CORIN: variants seen among roughly 807,000 people sequenced by gnomAD.
CORIN encodes corin, serine peptidase.
In CORIN, 117 loss-of-function variants were observed where a neutral mutation model predicts 125.3. The observed-to-expected ratio is 0.93, with a 90% confidence interval of 0.80 to 1.09. The LOEUF (loss-of-function observed/expected upper bound fraction) is 1.09, where lower values mean the gene tolerates loss of function less well. Among genes scored for constraint, CORIN ranks in the 50% least tolerant of loss-of-function variants. The pLI, the probability that CORIN is intolerant of heterozygous loss-of-function variation, is 0.00. For missense variants in CORIN, 1,253 were observed against 1,306.7 expected (o/e 0.96, Z 0.63); for synonymous variants, 450 against 466.4 (o/e 0.96, Z 0.45).
intron 3 of CORIN, among the ~76,000 whole-genome samples, chr4:47,767,349 A>G (rs1371452194): frequency 6.7e-6 from 1 of 150,018 alleles, no homozygotes; most frequent in Admixed American, 6.8e-5. Context: ...CCACAAAATT[A>G]CCACCATTAA....
rs551204331 is a variant in CORIN at position 47,826,185 on chromosome 4, A to G, written c.63+11702T>C. 4.6e-5 allele frequency among the ~76,000 whole-genome samples: 7 copies of G among 152,350 alleles called. 1 individual carries two copies. In the South Asian group the frequency reaches 6.2e-4, roughly 14 times the overall value. ...AGCAGTAATGCACAAAAACCCTAGG[A>G]ATGACTGCAAATGCCTACCCCAGCA... On this transcript the variant is annotated intron_variant, in intron 1 of 21. Transcript: ENST00000273857.
At chr4:47,648,856 C>T (rs1038010342) in intron 13 of CORIN, among the ~76,000 whole-genome samples, 1 of 152,168 alleles carries the variant, frequency 6.6e-6, no homozygotes, top group South Asian at 2.1e-4. Flanking sequence ...CAGGAAGTGG[C>T]TGTGGATGTG....
chr4:47,816,472 G>A (rs1732272503), intron 1 of CORIN, among the ~76,000 whole-genome samples: 1 of 152,094 alleles, frequency 6.6e-6, no homozygotes. Flanking sequence ...GGGCTATAAA[G>A]ATGAAGAAAA....
Position 47,653,654 on chromosome 4 carries a change from G to A in CORIN, c.1742C>T (p.Ser581Leu). The change falls in exon 13 of 22, where the codon TCA (serine) becomes TTA (leucine). Residue 581 changes from serine (S) to leucine (L), a missense_variant. Coordinates refer to ENST00000273857, the MANE Select transcript of CORIN (RefSeq NM_006587.4). ...TGAGCGGCACTTGAAATGACTAGGT[G>A]AGCATTCTATTAAAAACAATATTAC... ...LMPDEYVEEC[S>L]PSHFKCRSGQ... 3.1e-6 allele frequency: 5 copies of A among 1,613,462 alleles called. No individual in the cohort carries two copies. The highest frequency in any genetic ancestry group is 1.1e-5 in the South Asian group (1 of 90,950).
chr4:47,602,219 C>T (rs6835144), intron 20 of CORIN, among the ~76,000 whole-genome samples: 16,936 of 152,048 alleles, frequency 0.11, 1,370 homozygotes, highest in East Asian at 0.47. Flanking sequence ...TGCAGTGAGC[C>T]GAGATTGTGC....
Position 47,786,802 on chromosome 4 carries a change from G to A in CORIN, c.332C>T (p.Thr111Ile), listed in dbSNP as rs752926216. The A allele has an allele frequency of 2.5e-6, 4 of 1,614,016 alleles. No individual in the cohort carries two copies. The highest frequency in any genetic ancestry group is 3.4e-6 in the Non-Finnish European group (4 of 1,179,982). ...TIYNQSTVVSTAHPDQHVPAW... is the reference protein window; with the variant it reads ...TIYNQSTVVSIAHPDQHVPAW... ...TGGAACGTGTTGGTCGGGATGTGCA[G>A]TAGACACCACAGTGCTCTGGTTATA... The change falls in exon 3 of 22, where the codon ACT becomes ATT. Residue 111 changes from threonine (T) to isoleucine (I), a missense_variant. Thr to Ile is a moderately conservative substitution (Grantham distance 89, BLOSUM62 -1). Transcript: ENST00000273857.
At chr4:47,717,788 A>G (rs1157676359) in intron 5 of CORIN, among the ~76,000 whole-genome samples, 1 of 152,186 alleles carries the variant, frequency 6.6e-6, no homozygotes, top group African/African-American at 2.4e-5. Context: ...GACCGAAAAA[A>G]AGAGAGGCAC....
At chr4:47,656,020 C>T (rs903393318) in intron 12 of CORIN, among the ~76,000 whole-genome samples, 2 of 151,884 alleles carry the variant, frequency 1.3e-5, no homozygotes, top group African/African-American at 4.8e-5. Flanking sequence ...CAAAGCTAGA[C>T]AAAGACACAT....
At position 47,595,448 on chromosome 4, in the gene CORIN, G is replaced by T; in HGVS notation, c.*273C>A. 8.1e-5 allele frequency: 18 copies of T among 222,216 alleles called. No homozygotes were observed. The highest frequency in any genetic ancestry group is 9.5e-5 in the East Asian group (1 of 10,544). 13.8% of individuals were successfully genotyped at this position (222,216 alleles called of 1,614,324 possible). A position where few individuals can be genotyped will look rare whatever the true frequency, so the allele number is the denominator to read the frequency against. On this transcript the variant is annotated 3_prime_UTR_variant, in exon 22 of 22. Coordinates refer to ENST00000273857, the MANE Select transcript of CORIN (RefSeq NM_006587.4). ...ATCTCGCCAGAGTCGATAATTTTGT[G>T]CTGCAGTCATGGTTAGGCCTGGCAA...
At chr4:47,792,462 G>A (rs1452458106) in intron 2 of CORIN, among the ~76,000 whole-genome samples, 3 of 152,130 alleles carry the variant, frequency 2.0e-5, no homozygotes, top group East Asian at 1.9e-4. Context: ...CTTAGCCAAC[G>A]CAAAAACCCT....
intron 4 of CORIN, among the ~76,000 whole-genome samples, chr4:47,754,823 T>C (rs150667360): frequency 2.2e-4 from 33 of 152,326 alleles, no homozygotes; most frequent in Admixed American, 1.3e-4. Flanking sequence ...CAGCCCATTC[T>C]TTCTGAAGGC....
At chr4:47,636,901 G>A (rs1723047306) in intron 16 of CORIN, among the ~76,000 whole-genome samples, 1 of 152,210 alleles carries the variant, frequency 6.6e-6, no homozygotes, top group Non-Finnish European at 1.5e-5. Context: ...TTGGAAGTGG[G>A]TAACAGGCAG....
intron 2 of CORIN, among the ~76,000 whole-genome samples, chr4:47,802,281 G>A (rs989569172): frequency 2.6e-5 from 4 of 152,158 alleles, no homozygotes; most frequent in African/African-American, 7.2e-5. Context: ...GCTTGGCCTC[G>A]GTGGGGTAGG....
intron 12 of CORIN, among the ~76,000 whole-genome samples, chr4:47,659,391 T>C (rs1226860748): frequency 6.6e-6 from 1 of 152,186 alleles, no homozygotes; most frequent in Non-Finnish European, 1.5e-5. Flanking sequence ...TAAAGAAATA[T>C]CTGAGACTGG....
intron 3 of CORIN, among the ~76,000 whole-genome samples, chr4:47,781,943 A>C (rs895549119): frequency 6.6e-6 from 1 of 151,914 alleles, no homozygotes; most frequent in Non-Finnish European, 1.5e-5. Flanking sequence ...ATCTCAAAAA[A>C]AGAAAAATAA....
intron 5 of CORIN, among the ~76,000 whole-genome samples, chr4:47,732,721 G>C (rs889712300): frequency 6.6e-6 from 1 of 151,964 alleles, no homozygotes; most frequent in Admixed American, 6.6e-5. Flanking sequence ...ACGCCACCAC[G>C]CCCGGCTTTT....
In CORIN at chr4:47,623,094, CTCTA is replaced by C. The variant is rs1157695527; in HGVS notation, c.2540+473_2540+476del. On this transcript the variant is annotated intron_variant, in intron 19 of 21. Transcript: ENST00000273857. Reference sequence around the variant, plus strand: ...CCTCTCTCTCTCTCTCTCTCTCTCTCTCTATATATATATATATATATATACACAC... The same window carrying C: ...CCTCTCTCTCTCTCTCTCTCTCTCTCTATATATATATATATATATACACAC... Among the ~76,000 whole-genome samples the C allele has an allele frequency of 2.7e-3, 277 of 101,452 alleles. 1 individual carries two copies. The highest frequency in any genetic ancestry group is 5.5e-3 in the Admixed American group (55 of 10,002). The allele number at this position is 101,452 out of a possible 152,430, so 66.6% of individuals were successfully genotyped here.
In CORIN at chr4:47,595,487, G is replaced by T; in HGVS notation, c.*234C>A. 2 of 314,420 alleles carry T rather than the reference G, an allele frequency of 6.4e-6. No homozygotes were observed. The highest frequency in any genetic ancestry group is 5.8e-6 in the Non-Finnish European group (1 of 171,788). 19.5% of individuals were successfully genotyped at this position (314,420 alleles called of 1,614,324 possible). A position where few individuals can be genotyped will look rare whatever the true frequency, so the allele number is the denominator to read the frequency against. On this transcript the variant is annotated 3_prime_UTR_variant, in exon 22 of 22. Coordinates refer to ENST00000273857, the MANE Select transcript of CORIN (RefSeq NM_006587.4). ...TAGGCCTGGCAAAAGGACAAAGTCT[G>T]CTTTGTTTGCTTTTGTAAAGTCTTT...
At chr4:47,691,798 T>C (rs906768286) in intron 6 of CORIN, among the ~76,000 whole-genome samples, 1 of 152,162 alleles carries the variant, frequency 6.6e-6, no homozygotes. Flanking sequence ...TGGGAAACAC[T>C]GACCTGAAAT....
Sources: allele counts gnomAD v4.1 joint callset (sites outside exome capture counted in the v4.1 genomes callset), GRCh38; gene constraint gnomAD v4.1.1; transcripts MANE v1.5; gene names NCBI Gene and HGNC (gene_info 2026-07-23, HGNC 2026-07-21).